Variants in PARP12 observed in about 807,000 individuals in gnomAD.
PARP12 encodes the protein protein mono-ADP-ribosyltransferase PARP12.
A neutral mutation model predicts 72.4 loss-of-function variants in PARP12; 59 were observed. That is an observed-to-expected ratio of 0.81 (90% confidence interval 0.66 to 1.01). The LOEUF is 1.01. PARP12 is among the 50% of genes least tolerant of loss of function. PARP12 has a pLI of 0.00. For missense variants in PARP12, 851 were observed against 914.0 expected (o/e 0.93, Z 0.89); for synonymous variants, 403 against 371.4 (o/e 1.09, Z -0.98).
intron 1 of PARP12, 116 bp from the exon 2 acceptor site, chr7:140,058,150 A>G (rs552891922): frequency 9.7e-5 from 116 of 1,192,512 alleles, no homozygotes; most frequent in South Asian, 6.3e-4. Flanking sequence ...GAAGGTCTCT[A>G]AAGAGGTAAT....
intron 1 of PARP12, among the ~76,000 whole-genome samples, chr7:140,058,294 G>A (rs62491363): frequency 0.074 from 11,286 of 152,152 alleles, 501 homozygotes; most frequent in Non-Finnish European, 0.099. Flanking sequence ...GGAGGATCAC[G>A]AGGTCAGGAG....
chr7:140,060,998 A>C (rs1000360009), intron 1 of PARP12, among the ~76,000 whole-genome samples: 6 of 152,156 alleles, frequency 3.9e-5, no homozygotes, highest in East Asian at 3.8e-4. Context: ...TCAGTGAACA[A>C]CACCCAGGCC....
intron 4 of PARP12, among the ~76,000 whole-genome samples, chr7:140,050,369 T>C (rs1816913429): frequency 2.6e-5 from 4 of 152,252 alleles, no homozygotes; most frequent in Admixed American, 1.3e-4. Flanking sequence ...TAAGTGTGAA[T>C]ATAAGGGTTA....
chr7:140,062,556 T>C lies in PARP12; in HGVS notation c.292A>G (p.Met98Val), dbSNP rs1335750191. 6 of 1,556,314 alleles carry C rather than the reference T, an allele frequency of 3.9e-6. No homozygotes were observed. Among genetic ancestry groups the C allele is most frequent in the Non-Finnish European group, 5.2e-6 (6 of 1,155,492 alleles). ...AGGAACTTGCAGGCGCCGTAGACCA[T>C]GAACCTGCAGAGGTGGAGCTGCGCG... ...LCAQLHLCRF[M>V]VYGACKFLRA... Residue 98 changes from methionine to valine, a missense_variant, in exon 1 of 12, where the codon ATG becomes GTG. This residue lies in a region of PARP12 where 492 missense variants were observed against 489.3 expected (regional missense o/e 1.01). Transcript: ENST00000263549.
At chr7:140,057,328 G>A (rs1817228764) in intron 2 of PARP12, 175 bp from the exon 3 acceptor site, 1 of 659,290 alleles carries the variant, frequency 1.5e-6, no homozygotes, top group East Asian at 2.7e-5. Flanking sequence ...AAATGCCCTT[G>A]GCTAAAAGGG....
In PARP12 at chr7:140,062,641, G is replaced by C. The variant is rs775458380; in HGVS notation, c.207C>G (p.Ala69=). 3.4e-6 allele frequency: 5 copies of C among 1,473,708 alleles called. No individual in the cohort carries two copies. The highest frequency in any genetic ancestry group is 4.5e-6 in the Non-Finnish European group (5 of 1,115,002). 91.3% of individuals were successfully genotyped at this position (1,473,708 alleles called of 1,614,324 possible). ...AAAPERVVLA[A]SPLRLCRAHQ... Reference sequence around the variant, plus strand: ...GCGCGCGACACAGGCGCAGCGGCGAGGCGGCCAGCACCACGCGCTCCGGGG... The same window carrying C: ...GCGCGCGACACAGGCGCAGCGGCGACGCGGCCAGCACCACGCGCTCCGGGG... Residue 69 remains alanine, a synonymous_variant, in exon 1 of 12, where the codon GCC becomes GCG. Transcript: ENST00000263549.
chr7:140,041,433 A>G, intron 6 of PARP12: 1 of 479,718 alleles, frequency 2.1e-6, no homozygotes, highest in Non-Finnish European at 3.7e-6. Context: ...GAGCCAACAG[A>G]TGGAAGCTCT....
chr7:140,059,798 A>G (rs1585119160), intron 1 of PARP12, among the ~76,000 whole-genome samples: 1 of 152,224 alleles, frequency 6.6e-6, no homozygotes, highest in Non-Finnish European at 1.5e-5. Flanking sequence ...GTGCAACGTC[A>G]GCTGTTGTCA....
intron 7 of PARP12, 45 bp from the exon 8 acceptor site, chr7:140,034,376 C>T (rs781047277): frequency 1.0e-5 from 15 of 1,455,930 alleles, no homozygotes; most frequent in Non-Finnish European, 1.1e-5. Context: ...TATACATATA[C>T]ATACACACAG....
In PARP12 at chr7:140,062,524, G is replaced by A. The variant is rs1441708459; in HGVS notation, c.324C>T (p.Ala108=). The A allele has an allele frequency of 3.9e-6, 6 of 1,547,748 alleles. No individual in the cohort carries two copies. In the African/African-American group the frequency reaches 6.9e-5, roughly 18 times the overall value. ...MVYGACKFLR[A]GKNCRNSHSL... ...TCGCTCCCGGCGCGGCGCCTTACCC[G>A]GCTCTCAGGAACTTGCAGGCGCCGT... Residue 108 remains alanine (A), a splice_region_variant and synonymous_variant, in exon 1 of 12, where the codon GCC becomes GCT. Transcript: ENST00000263549.
At chr7:140,058,978 C>T (rs1285435575) in intron 1 of PARP12, among the ~76,000 whole-genome samples, 3 of 151,938 alleles carry the variant, frequency 2.0e-5, no homozygotes, top group Non-Finnish European at 4.4e-5. Flanking sequence ...GCCTGTAATC[C>T]CAGCTACTCA....
chr7:140,046,961 G>A lies in PARP12; in HGVS notation c.909C>T (p.Phe303=), dbSNP rs532524588. The A allele has an allele frequency of 4.3e-5, 70 of 1,613,956 alleles. No homozygotes were observed. In the South Asian group the frequency reaches 7.3e-4, roughly 17 times the overall value. The change falls in exon 5 of 12, where the codon TTC becomes TTT. Residue 303 remains phenylalanine (F), a synonymous_variant. Coordinates refer to ENST00000263549, the MANE Select transcript of PARP12 (RefSeq NM_022750.4). ...VHFHLPYRWQ[F]LDRGKWEDLD... ...AATCCTCCCATTTGCCTCTATCCAA[G>A]AATTGCCATCGATACGGCAAATGGA...
intron 4 of PARP12, among the ~76,000 whole-genome samples, chr7:140,053,437 CTAGGGGGTGAGGAT>C (rs1817044909): frequency 6.6e-6 from 1 of 152,076 alleles, no homozygotes; most frequent in Non-Finnish European, 1.5e-5. Context: ...GCGTGACAAA[CTAGGGGGTGAGGAT>C]TAATTATAAA....
At chr7:140,046,799 A>AGTGTGTGTGTGTGTGTGTGTGTGT (rs3216987) in intron 5 of PARP12, 85 bp downstream of exon 5, 38 of 868,872 alleles carry the variant, frequency 4.4e-5, no homozygotes, top group South Asian at 2.7e-4. Flanking sequence ...GGCTGCTCAC[A>AGTGTGTGTGTGTGTGTGTGTGTGT]GTGTGTGTGT....
chr7:140,035,971 C>G (rs144281514), intron 7 of PARP12, among the ~76,000 whole-genome samples: 3,699 of 19,622 alleles, frequency 0.19, 223 homozygotes, highest in East Asian at 0.34. Flanking sequence ...AGGAGGAGGA[C>G]GAGGAGGAGG....
chr7:140,046,721 AGTGTGTGTGTGT>A (rs9340757), intron 5 of PARP12, among the ~76,000 whole-genome samples, 151 bp downstream of exon 5: 13 of 135,486 alleles, frequency 9.6e-5, no homozygotes, highest in South Asian at 2.5e-4. Context: ...GGTGGCTCAC[AGTGTGTGTGTGT>A]GTGTGTGTGT....
At chr7:140,057,760 C>T in intron 2 of PARP12, 139 bp downstream of exon 2, 1 of 1,259,032 alleles carries the variant, frequency 7.9e-7, no homozygotes, top group Middle Eastern at 2.8e-4. Flanking sequence ...CCTTCTGCTC[C>T]ACATTCCAAA....
In PARP12 at chr7:140,038,083, C is replaced by T. The variant is rs561034913; in HGVS notation, c.1183-227G>A. The T allele has an allele frequency of 6.3e-5, 62 of 985,374 alleles. 1 individual carries two copies. The South Asian group carries it at 2.2e-3, about 34-fold the overall frequency. The allele number at this position is 985,374 out of a possible 1,614,324, so 61.0% of individuals were successfully genotyped here. A position where few individuals can be genotyped will look rare whatever the true frequency, so the allele number is the denominator to read the frequency against. On this transcript the variant is annotated intron_variant, in intron 6 of 11. Transcript: ENST00000263549. ...AAACACAATGCAGTAAATATGGGTC[C>T]TGCTGAGCAGGAAGACAGGGATGGG...
At position 140,024,535 on chromosome 7, in the gene PARP12, A is replaced by T; in HGVS notation, c.*25T>A. ...TAGCCATTTCAAGGCAGAGCAGGTG[A>T]AAGGCCTGGAACACTCCTGTGCGCT... On this transcript the variant is annotated 3_prime_UTR_variant, in exon 12 of 12. Coordinates refer to ENST00000263549, the MANE Select transcript of PARP12 (RefSeq NM_022750.4). 6.2e-7 allele frequency: 1 copy of T among 1,612,504 alleles called. No individual in the cohort carries two copies. Among genetic ancestry groups the T allele is most frequent in the Non-Finnish European group, 8.5e-7 (1 of 1,178,726 alleles).
Sources: allele counts gnomAD v4.1 joint callset (sites outside exome capture counted in the v4.1 genomes callset), GRCh38; gene constraint gnomAD v4.1.1; regional missense constraint gnomAD v4.1.1; transcripts MANE v1.5; gene names NCBI Gene and HGNC (gene_info 2026-07-23, HGNC 2026-07-21).